CIBAR1: variants seen among roughly 807,000 people sequenced by gnomAD.
CIBAR1 encodes CBY1-interacting BAR domain-containing protein 1.
A neutral mutation model predicts 44.0 loss-of-function variants in CIBAR1; 25 were observed. That is an observed-to-expected ratio of 0.57 (90% CI 0.41 to 0.79). The LOEUF is 0.79. Ranked by LOEUF, CIBAR1 falls within the 30% of genes least tolerant of loss-of-function variation. The pLI is 0.00. For synonymous variants in CIBAR1, 115 were observed against 119.0 expected (o/e 0.97, Z 0.22); for missense variants, 278 against 344.8 (o/e 0.81, Z 1.53).
At chr8:93,716,917 C>T (rs1485831612) in intron 6 of CIBAR1, among the ~76,000 whole-genome samples, 1 of 152,134 alleles carries the variant, frequency 6.6e-6, no homozygotes, top group Non-Finnish European at 1.5e-5. Flanking sequence ...TTCCTCTTTG[C>T]GAAAATGTTC....
At chr8:93,721,836 T>G (rs1811276699) in intron 7 of CIBAR1, among the ~76,000 whole-genome samples, 1 of 149,758 alleles carries the variant, frequency 6.7e-6, no homozygotes, top group Non-Finnish European at 1.5e-5. Context: ...AAAAAAAAAG[T>G]GTTGTGTGTG....
chr8:93,730,082 G>A lies in CIBAR1; in HGVS notation c.*1785G>A, dbSNP rs557430876. 24 of 152,120 alleles carry A rather than the reference G, an allele frequency of 1.6e-4. No individual in the cohort carries two copies. The highest frequency in any genetic ancestry group is 7.2e-4 in the Admixed American group (11 of 15,284). The allele number at this position is 152,120 out of a possible 1,614,324, so 9.4% of individuals were successfully genotyped here. On this transcript the variant is annotated 3_prime_UTR_variant, in exon 9 of 9. Transcript: ENST00000518322. ...GGCACTCAAAAAGTTTGTGATTTTC[G>A]GAGCATGTGAAATTTCAGATTACCA...
Position 93,701,012 on chromosome 8 carries a change from A to C in CIBAR1, c.27-212A>C. ...CACCTCCCCAGTTAAGGCCAGGCCC[A>C]CCCGGCCTGGGCCTTTTCCTGTGCC... On this transcript the variant is annotated intron_variant, in intron 1 of 8. Coordinates refer to ENST00000518322, the MANE Select transcript of CIBAR1 (RefSeq NM_145269.5). The C allele has an allele frequency of 6.3e-6, 9 of 1,422,726 alleles. No homozygotes were observed. The South Asian group carries it at 9.5e-5, about 15-fold the overall frequency. 88.1% of individuals were successfully genotyped at this position (1,422,726 alleles called of 1,614,324 possible).
At chr8:93,719,380 G>A (rs1233369231) in intron 7 of CIBAR1, among the ~76,000 whole-genome samples, 5 of 152,150 alleles carry the variant, frequency 3.3e-5, no homozygotes, top group Admixed American at 3.3e-4. Context: ...GCCCACTGAA[G>A]TGTGCTAAAA....
chr8:93,711,913 A>T (rs1358665476), intron 6 of CIBAR1, among the ~76,000 whole-genome samples: 3 of 152,138 alleles, frequency 2.0e-5, no homozygotes, highest in Non-Finnish European at 4.4e-5. Flanking sequence ...AATTCCTGCT[A>T]CCTTGGATTT....
intron 7 of CIBAR1, chr8:93,720,930 C>T (rs770289035): frequency 5.3e-5 from 8 of 151,900 alleles, no homozygotes; most frequent in African/African-American, 1.7e-4. Flanking sequence ...AAATAGCAAA[C>T]GTTTATATAA....
rs1448279195 is a variant in CIBAR1, at chr8:93,728,456, TA to T, written c.*165del. ...TTATGCTGACCAAAAATGAAGGCTT[TA>T]AAAAATATTGCATACCAGTCATTTC... On this transcript the variant is annotated 3_prime_UTR_variant, in exon 9 of 9. Transcript: ENST00000518322. 13 of 505,234 alleles carry T rather than the reference TA, an allele frequency of 2.6e-5. 1 individual carries two copies. The highest frequency in any genetic ancestry group is 1.0e-3 in the Middle Eastern group (2 of 1,910). 31.3% of individuals were successfully genotyped at this position (505,234 alleles called of 1,614,324 possible).
chr8:93,703,715 C>T, intron 3 of CIBAR1, 27 bp downstream of exon 3: 1 of 1,516,268 alleles, frequency 6.6e-7, no homozygotes, highest in South Asian at 1.3e-5. Flanking sequence ...TCTCACTTAA[C>T]TGTGAGTTAC....
At chr8:93,718,591 C>A in intron 6 of CIBAR1, 84 bp from the exon 7 acceptor site, 1 of 658,790 alleles carries the variant, frequency 1.5e-6, no homozygotes, top group Non-Finnish European at 2.4e-6. Context: ...TATAAAATAC[C>A]AAGACTATAG....
chr8:93,704,289 A>C (rs1011883322), intron 3 of CIBAR1, among the ~76,000 whole-genome samples: 3 of 152,226 alleles, frequency 2.0e-5, no homozygotes, highest in Non-Finnish European at 2.9e-5. Flanking sequence ...GATAGCATTT[A>C]GACTTTTAAA....
chr8:93,703,404 G>A (rs902641162), intron 2 of CIBAR1, among the ~76,000 whole-genome samples: 4 of 152,166 alleles, frequency 2.6e-5, no homozygotes, highest in African/African-American at 9.7e-5. Flanking sequence ...CTAAGATGAT[G>A]ATGTGGCCAG....
At position 93,728,376 on chromosome 8, in the gene CIBAR1, ATGTTAAGCCTC is replaced by A; in HGVS notation, c.*80_*90del. On this transcript the variant is annotated 3_prime_UTR_variant, in exon 9 of 9. Transcript: ENST00000518322. ...TGTAGAACTTTATACTCACTTTGCT[ATGTTAAGCCTC>A]AAAGTGAAGTCCAACTGGAAACAGA... 1.1e-6 allele frequency: 1 copy of A among 919,986 alleles called. No homozygotes were observed. The allele number at this position is 919,986 out of a possible 1,614,324, so 57.0% of individuals were successfully genotyped here.
At chr8:93,703,892 G>A (rs1049648264) in intron 3 of CIBAR1, among the ~76,000 whole-genome samples, 15 of 151,680 alleles carry the variant, frequency 9.9e-5, no homozygotes, top group Non-Finnish European at 1.8e-4. Flanking sequence ...GTGAAACCCC[G>A]TCTCTACTAA....
In CIBAR1 at chr8:93,700,964, C is replaced by T; in HGVS notation, c.27-260C>T. ...GAGGCAGCCGGGCGCCCAGGCCGCG[C>T]TGCGCGGAGCAGCCGGAGCAGCCAC... On this transcript the variant is annotated intron_variant, in intron 1 of 8. Coordinates refer to ENST00000518322, the MANE Select transcript of CIBAR1 (RefSeq NM_145269.5). 2.2e-6 allele frequency: 3 copies of T among 1,379,656 alleles called. No individual in the cohort carries two copies. The East Asian group carries it at 8.3e-5, about 38-fold the overall frequency. 85.5% of individuals were successfully genotyped at this position (1,379,656 alleles called of 1,614,324 possible).
chr8:93,721,842 G>A (rs1349786971), intron 7 of CIBAR1, among the ~76,000 whole-genome samples: 1 of 151,922 alleles, frequency 6.6e-6, no homozygotes, highest in Non-Finnish European at 1.5e-5. Flanking sequence ...AAAGTGTTGT[G>A]TGTGATGGAG....
At chr8:93,722,840 T>C (rs953707128) in intron 7 of CIBAR1, among the ~76,000 whole-genome samples, 1 of 152,246 alleles carries the variant, frequency 6.6e-6, no homozygotes, top group Non-Finnish European at 1.5e-5. Context: ...ATGTTAATTG[T>C]AATAAATATT....
At chr8:93,707,978 G>A (rs780998171) in intron 4 of CIBAR1, 33 bp from the exon 5 acceptor site, 7 of 1,497,560 alleles carry the variant, frequency 4.7e-6, no homozygotes, top group Non-Finnish European at 5.4e-6. Context: ...TACTCTCTTT[G>A]AAATGTATTT....
chr8:93,719,201 T>C (rs1405939884), intron 7 of CIBAR1, among the ~76,000 whole-genome samples: 3 of 152,218 alleles, frequency 2.0e-5, no homozygotes, highest in Admixed American at 2.0e-4. Flanking sequence ...ATAGTGGTTA[T>C]TATGTGTAAT....
intron 1 of CIBAR1, chr8:93,700,932 A>T: frequency 7.3e-7 from 1 of 1,360,666 alleles, no homozygotes; most frequent in South Asian, 1.9e-5. Flanking sequence ...GCAGTGCGGA[A>T]GCCTAGGAGG....
Sources: gnomAD v4.1 joint callset for allele counts (sites outside exome capture counted in the v4.1 genomes callset) on GRCh38, gnomAD v4.1.1 for gene constraint, MANE v1.5 for transcripts, NCBI Gene and HGNC (gene_info 2026-07-23, HGNC 2026-07-21) for gene names.